The following UTP20 variants were observed in gnomAD, a reference collection of about 807,000 sequenced individuals.
UTP20 encodes the protein UTP20 small subunit processome component.
UTP20 carries 164 observed loss-of-function variants against 329.5 expected under a neutral mutation model. The ratio of observed to expected loss-of-function variants is 0.50; its 90% CI spans 0.44 to 0.57. The LOEUF is 0.57. Ranked by LOEUF, UTP20 falls within the 20% of genes least tolerant of loss-of-function variation. UTP20 has a pLI of 0.00. For missense variants in UTP20, 3,055 were observed against 3,284.2 expected (o/e 0.93, Z 1.71); for synonymous variants, 1,151 against 1,159.3 (o/e 0.99, Z 0.14).
At chr12:101,379,290 C>G in intron 56 of UTP20, 81 bp from the exon 57 acceptor site, 1 of 1,315,948 alleles carries the variant, frequency 7.6e-7, no homozygotes, top group East Asian at 2.4e-5. Context: ...ACATAATACT[C>G]TGTAAATGCT....
intron 25 of UTP20, among the ~76,000 whole-genome samples, chr12:101,323,456 T>C (rs983375419): frequency 1.3e-5 from 2 of 152,234 alleles, no homozygotes; most frequent in Non-Finnish European, 2.9e-5. Context: ...GTAGGATGCC[T>C]GTTTCACACC....
intron 5 of UTP20, among the ~76,000 whole-genome samples, chr12:101,287,029 CT>C (rs560732384): frequency 3.7e-4 from 57 of 152,118 alleles, no homozygotes; most frequent in Non-Finnish European, 7.8e-4. Flanking sequence ...TTGTAGTAAC[CT>C]TTTGTTTAAA....
chr12:101,333,504 C>T (rs1868830485), intron 28 of UTP20, 60 bp downstream of exon 28: 2 of 1,575,052 alleles, frequency 1.3e-6, no homozygotes, highest in Non-Finnish European at 1.7e-6. Flanking sequence ...ATTACTAACT[C>T]ACCAACATAG....
Position 101,363,741 on chromosome 12 carries a change from G to T in UTP20, c.5956G>T (p.Glu1986Ter). 6.3e-7 allele frequency: 1 copy of T among 1,592,784 alleles called. No individual in the cohort carries two copies. Among genetic ancestry groups the T allele is most frequent in the South Asian group, 1.1e-5 (1 of 90,618 alleles). Residue 1986 changes from glutamate (E) to a stop codon, truncating the protein, a stop_gained and splice_region_variant, in exon 45 of 62, where the codon GAG (glutamate) becomes TAG (stop). Transcript: ENST00000261637. LOFTEE classifies it high-confidence loss of function. Reference protein sequence around the residue: ...QVTKLILPLKEILQNTTSLKL... With the variant: ...QVTKLILPLK ...TACAAAACTCATCCTTCCATTAAAA[G>T]AGGTAAGGACGTAAATGCAATTCTG... is the stretch of plus-strand genomic sequence containing the variant.
At chr12:101,289,407 G>GTAA (rs141427930) in intron 6 of UTP20, among the ~76,000 whole-genome samples, 2,495 of 150,582 alleles carry the variant, frequency 0.017, 70 homozygotes, top group African/African-American at 0.056. Flanking sequence ...ACACACACTA[G>GTAA]TAATAATAAT....
chr12:101,367,875 C>A lies in UTP20; in HGVS notation c.6283C>A (p.Leu2095Met). ...ACTCTCTTAGCTGCTGCATCTGAGT[C>A]TGAAGACTTCCAAGATCAAGTCTTC... ...ESGLRLLHLS[L>M]KTSKIKSSGE... The change falls in exon 48 of 62, where the codon CTG becomes ATG. Residue 2095 changes from leucine to methionine, a missense_variant. Leu to Met is a conservative substitution (Grantham distance 15). Around this residue, in one of 3 missense-constraint regions of UTP20, gnomAD observed 2,445 missense variants for 2,575.5 expected, o/e 0.95. Transcript: ENST00000261637. The A allele has an allele frequency of 1.2e-6, 2 of 1,613,384 alleles. No individual in the cohort carries two copies. Among genetic ancestry groups the A allele is most frequent in the South Asian group, 1.1e-5 (1 of 91,038 alleles).
intron 7 of UTP20, among the ~76,000 whole-genome samples, 164 bp downstream of exon 7, chr12:101,290,438 C>G (rs1276356500): frequency 6.6e-6 from 1 of 152,120 alleles, no homozygotes; most frequent in African/African-American, 2.4e-5. Flanking sequence ...AGGCCTTGGA[C>G]AGTGAGATGT....
At chr12:101,281,389 G>T (rs934642737) in intron 2 of UTP20, among the ~76,000 whole-genome samples, 193 bp downstream of exon 2, 2 of 152,178 alleles carry the variant, frequency 1.3e-5, no homozygotes, top group Non-Finnish European at 2.9e-5. Context: ...CCCAAATGTG[G>T]CTAGTTGCTA....
rs752995039 is a variant in UTP20 at position 101,383,266 on chromosome 12, C to T, written c.7882C>T (p.Arg2628Trp). The T allele has an allele frequency of 2.9e-5, 47 of 1,613,920 alleles. No homozygotes were observed. In the Admixed American group the frequency reaches 4.3e-4, roughly 15 times the overall value. Residue 2628 changes from arginine (R) to tryptophan (W), a missense_variant, in exon 59 of 62, where the codon CGG (arginine) becomes TGG (tryptophan). By Grantham distance (101) the Arg-to-Trp change is moderately radical. Transcript: ENST00000261637. ...GCTGTGGTTGATCCAGAAGCTGTCC[C>T]GGATTGCAAAACTGGAAGCTGCTTA... is the stretch of plus-strand genomic sequence containing the variant. ...TLLWLIQKLS[R>W]IAKLEAAYSP... is the part of the protein sequence containing the mutation.
chr12:101,301,438 T>A (rs992856953), intron 14 of UTP20, among the ~76,000 whole-genome samples: 1 of 152,102 alleles, frequency 6.6e-6, no homozygotes, highest in Non-Finnish European at 1.5e-5. Flanking sequence ...GAGGCCGAAG[T>A]GAGTGGATCA....
intron 43 of UTP20, among the ~76,000 whole-genome samples, chr12:101,357,518 A>G (rs1463390252): frequency 6.6e-6 from 1 of 152,232 alleles, no homozygotes; most frequent in Non-Finnish European, 1.5e-5. Flanking sequence ...TAGGAGGCCA[A>G]GACGGGAGGA....
Position 101,354,957 on chromosome 12 carries a change from G to A in UTP20, c.5233G>A (p.Ala1745Thr). ...CGGACAACCGGGAACCCCTGATCCA[G>A]CTGACTCTGGAGGAACATCAGCTAA... The part of the protein sequence containing the change: ...DNGQPGTPDP[A>T]DSGGTSAKES... The change falls in exon 41 of 62, where the codon GCT becomes ACT. Residue 1745 changes from alanine (A) to threonine (T), a missense_variant. Coordinates refer to ENST00000261637, the MANE Select transcript of UTP20 (RefSeq NM_014503.3). 1 of 1,614,162 alleles carries A rather than the reference G, an allele frequency of 6.2e-7. No homozygotes were observed. Among genetic ancestry groups the A allele is most frequent in the Non-Finnish European group, 8.5e-7 (1 of 1,180,018 alleles).
Position 101,281,994 on chromosome 12 carries a change from C to T in UTP20, c.126+798C>T, listed in dbSNP as rs540801074. On this transcript the variant is annotated intron_variant, in intron 2 of 61. Transcript: ENST00000261637. The stretch of plus-strand genomic sequence containing the variant: ...CTGGGATTACAGGTGTGAGCCACCA[C>T]GCCCGGCCTTGTCATCCTTTTATGC... Among the ~76,000 whole-genome samples the T allele has an allele frequency of 1.4e-3, 217 of 152,298 alleles. 1 individual carries two copies. The highest frequency in any genetic ancestry group is 2.2e-3 in the Non-Finnish European group (149 of 68,024).
intron 14 of UTP20, among the ~76,000 whole-genome samples, chr12:101,301,668 A>AAAAC (rs553390861): frequency 6.6e-6 from 1 of 152,134 alleles, no homozygotes; most frequent in African/African-American, 2.4e-5. Context: ...ATTCTGTCTC[A>AAAAC]AAATAAATAA....
At position 101,350,238 on chromosome 12, in the gene UTP20, C is replaced by T. The variant is rs541824372; in HGVS notation, c.4885-1817C>T. ...CTGGAGTGCAGTGGTATGATCATAG[C>T]TCACTGCAGCTTCAAACTCCTGGAC... On this transcript the variant is annotated intron_variant, in intron 38 of 61. Transcript: ENST00000261637. 3.3e-5 allele frequency among the ~76,000 whole-genome samples: 5 copies of T among 152,248 alleles called. No individual in the cohort carries two copies. The East Asian group carries it at 9.7e-4, about 29-fold the overall frequency.
At chr12:101,382,078 T>C (rs1022196787) in intron 58 of UTP20, among the ~76,000 whole-genome samples, 1 of 146,220 alleles carries the variant, frequency 6.8e-6, no homozygotes, top group African/African-American at 2.5e-5. Context: ...GCGGAAGGAA[T>C]TTAATGGAGG....
In UTP20 at chr12:101,371,850, A is replaced by G. The variant is rs114174539; in HGVS notation, c.6798+682A>G. ...CCTGGTGGGGCTTTGTTCTAAGAAT[A>G]GCAAGGAGCTATTTAAATCCTTAGG... On this transcript the variant is annotated intron_variant, in intron 51 of 61. Coordinates refer to ENST00000261637, the MANE Select transcript of UTP20 (RefSeq NM_014503.3). 5.4e-3 allele frequency among the ~76,000 whole-genome samples: 815 copies of G among 152,288 alleles called. 6 individuals are homozygous for G. The highest frequency in any genetic ancestry group is 0.019 in the African/African-American group (772 of 41,550).
rs751467658 is a variant in UTP20 at position 101,386,149 on chromosome 12, G to T, written c.*26G>T. Reference sequence around the variant, plus strand: ...TGTCTCCCTGTGCTGATACAAGCATGAACTTTCTGGAATATTCTGCTAGTC... The same window carrying T: ...TGTCTCCCTGTGCTGATACAAGCATTAACTTTCTGGAATATTCTGCTAGTC... On this transcript the variant is annotated 3_prime_UTR_variant, in exon 62 of 62. Transcript: ENST00000261637. 6.3e-6 allele frequency: 10 copies of T among 1,576,242 alleles called. No homozygotes were observed. The highest frequency in any genetic ancestry group is 1.2e-5 in the South Asian group (1 of 83,260).
chr12:101,370,668 T>A (rs1870255587), intron 50 of UTP20, 105 bp downstream of exon 50: 1 of 1,194,658 alleles, frequency 8.4e-7, no homozygotes, highest in Non-Finnish European at 1.2e-6. Flanking sequence ...CTTCTGAAAT[T>A]GAGTAATTTG....
Sources: gnomAD v4.1 joint callset for allele counts (sites outside exome capture counted in the v4.1 genomes callset) on GRCh38, gnomAD v4.1.1 for gene constraint, gnomAD v4.1.1 regional missense constraint, MANE v1.5 for transcripts, NCBI Gene and HGNC (gene_info 2026-07-23, HGNC 2026-07-21) for gene names.